Variants in ATRX observed in about 807,000 individuals in gnomAD.
ATRX encodes chromatin remodeler ATRX.
In ATRX, 12 loss-of-function variants were observed where a neutral mutation model predicts 172.6. That is an observed-to-expected ratio of 0.07 (90% CI 0.04 to 0.11). The LOEUF (loss-of-function observed/expected upper bound fraction) is 0.11. Ranked by LOEUF, ATRX falls within the 10% of genes least tolerant of loss-of-function variation. The pLI, the probability that ATRX is intolerant of heterozygous loss-of-function variation, is 1.00. For synonymous variants in ATRX, 674 were observed against 594.7 expected, an observed-to-expected ratio of 1.13 and a Z score of -1.94; for missense variants, 1,368 against 1,767.4, an observed-to-expected ratio of 0.77 and a Z score of 4.05.
intron 34 of ATRX, 26 bp from the exon 35 acceptor site, chrX:77,508,655 A>G (rs2062765351): frequency 1.7e-6 from 2 of 1,208,443 alleles, no homozygotes; most frequent in East Asian, 5.9e-5. Context: ...GGGAGTCATT[A>G]CAAGTGCATG....
At chrX:77,605,013 G>A (rs1171512574) in intron 22 of ATRX, among the ~76,000 whole-genome samples, 1 of 112,236 alleles carries the variant, frequency 8.9e-6, no homozygotes, top group Non-Finnish European at 1.9e-5. Flanking sequence ...CGGGGGAAAC[G>A]AGAAGAGTGA....
rs961649032 is a variant in ATRX at position 77,513,127 on chromosome X, T to C, written c.7201-4498A>G. Among the ~76,000 whole-genome samples the C allele has an allele frequency of 6.5e-5, 7 of 107,677 alleles. No individual in the cohort carries two copies. The South Asian group carries it at 1.7e-3, about 26-fold the overall frequency. 93.5% of individuals were successfully genotyped at this position (107,677 alleles called of 115,157 possible). A position where few individuals can be genotyped will look rare whatever the true frequency, so the allele number is the denominator to read the frequency against. ...GGTCAGGAGACTGAGACCATCCTGGTTAACACGGTGAAACCCCGTCTCTAC... is the reference window on the plus strand; with the variant it reads ...GGTCAGGAGACTGAGACCATCCTGGCTAACACGGTGAAACCCCGTCTCTAC... On this transcript the variant is annotated intron_variant, in intron 34 of 34. Coordinates refer to ENST00000373344, the MANE Select transcript of ATRX (RefSeq NM_000489.6).
chrX:77,695,884 A>AT (rs782707696), intron 5 of ATRX, among the ~76,000 whole-genome samples: 10 of 111,712 alleles, frequency 9.0e-5, no homozygotes, highest in Non-Finnish European at 1.7e-4. Flanking sequence ...AGACTACAAC[A>AT]TATTATTTAA....
chrX:77,543,313 G>T (rs1369425700), intron 30 of ATRX, among the ~76,000 whole-genome samples: 2 of 111,993 alleles, frequency 1.8e-5, no homozygotes, highest in African/African-American at 6.5e-5. Context: ...AACAACAGGT[G>T]CTGGAGAGGA....
At chrX:77,647,311 A>G (rs2068968411) in intron 15 of ATRX, among the ~76,000 whole-genome samples, 1 of 112,188 alleles carries the variant, frequency 8.9e-6, no homozygotes, top group Non-Finnish European at 1.9e-5. Flanking sequence ...TACAGTAGAA[A>G]AGAAGAAAGA....
At chrX:77,723,023 G>A (rs1467380971) in intron 1 of ATRX, among the ~76,000 whole-genome samples, 7 of 111,892 alleles carry the variant, frequency 6.3e-5, no homozygotes, top group African/African-American at 9.8e-5. Flanking sequence ...AAAAGGATGC[G>A]TTTATGTCCT....
chrX:77,520,074 T>C (rs1446946790), intron 34 of ATRX, among the ~76,000 whole-genome samples: 1 of 112,139 alleles, frequency 8.9e-6, no homozygotes, highest in Non-Finnish European at 1.9e-5. Context: ...AAAGTTCATA[T>C]GTTCTCACTT....
intron 1 of ATRX, among the ~76,000 whole-genome samples, chrX:77,776,940 C>G (rs1557202623): frequency 9.0e-6 from 1 of 110,856 alleles, no homozygotes; most frequent in African/African-American, 3.3e-5. Flanking sequence ...TCTTTCAATA[C>G]AGGGCCAGAC....
At position 77,664,675 on chromosome X, in the gene ATRX, T is replaced by G. The variant is rs782708557; in HGVS notation, c.3913A>C (p.Lys1305Gln). ...TCTCCTGGGTTTTCTTCATTTTGTT[T>G]TCCAGTTCTTTTTTTCCCTTCTTCT... Reference protein sequence around the residue: ...EPEEGKKRTGKQNEENPGDEE... With the variant: ...EPEEGKKRTGQQNEENPGDEE... Residue 1305 changes from lysine to glutamine, a missense_variant, in exon 11 of 35, where the codon AAA (lysine) becomes CAA (glutamine). By Grantham distance (53) the Lys-to-Gln change is moderately conservative (BLOSUM62 1). This residue lies in a region of ATRX where 119 missense variants were observed against 131.3 expected (regional missense o/e 0.91). Coordinates refer to ENST00000373344, the MANE Select transcript of ATRX (RefSeq NM_000489.6). The G allele has an allele frequency of 4.2e-5, 51 of 1,209,859 alleles. No individual in the cohort carries two copies. In the Middle Eastern group the frequency reaches 1.8e-3, roughly 43 times the overall value.
intron 15 of ATRX, among the ~76,000 whole-genome samples, chrX:77,643,088 G>A (rs1557111895): frequency 8.9e-6 from 1 of 112,002 alleles, no homozygotes; most frequent in Non-Finnish European, 1.9e-5. Flanking sequence ...GCAGCACCCT[G>A]TTTCCCAGTA....
intron 1 of ATRX, among the ~76,000 whole-genome samples, chrX:77,745,174 A>G (rs1034056988): frequency 2.6e-3 from 229 of 88,334 alleles, no homozygotes; most frequent in African/African-American, 8.7e-3. Context: ...CTCAAAAATG[A>G]AAAAAAAAAA....
intron 2 of ATRX, among the ~76,000 whole-genome samples, chrX:77,701,210 T>C (rs1209086605): frequency 8.9e-6 from 1 of 112,034 alleles, no homozygotes; most frequent in East Asian, 2.8e-4. Context: ...AACAGCTCTT[T>C]AAAAATATCT....
chrX:77,761,711 A>G (rs2075723110), intron 1 of ATRX, among the ~76,000 whole-genome samples: 1 of 111,347 alleles, frequency 9.0e-6, no homozygotes, highest in Admixed American at 9.6e-5. Context: ...ATGATACAGT[A>G]TTATTAACTA....
chrX:77,557,583 A>C lies in ATRX; in HGVS notation c.6567T>G (p.Val2189=). 8.3e-7 allele frequency: 1 copy of C among 1,209,477 alleles called. No homozygotes were observed. The highest frequency in any genetic ancestry group is 1.1e-6 in the Non-Finnish European group (1 of 894,452). ...GACGCTCCACCTGCTGCTGATCAAC[A>C]ACTCGAAAAGACAGTGACTGCTTAG... ...QVTKQSLSFR[V]VDQQQVERHF... is the part of the protein sequence containing the mutation. Residue 2189 remains valine, a synonymous_variant, in exon 30 of 35, where the codon GTT becomes GTG. Coordinates refer to ENST00000373344, the MANE Select transcript of ATRX (RefSeq NM_000489.6).
intron 33 of ATRX, 70 bp downstream of exon 33, chrX:77,521,332 TA>T: frequency 3.6e-6 from 3 of 842,613 alleles, no homozygotes; most frequent in Non-Finnish European, 3.5e-6. Context: ...ATTAAAAATT[TA>T]AAAAAATGGC....
chrX:77,616,276 T>C, intron 22 of ATRX: 8 of 874,791 alleles, frequency 9.1e-6, no homozygotes, highest in Non-Finnish European at 1.1e-5. Flanking sequence ...TTATTATTAA[T>C]GTGGGTAAAT....
chrX:77,510,225 A>G (rs1458648175), intron 34 of ATRX, among the ~76,000 whole-genome samples: 1 of 111,453 alleles, frequency 9.0e-6, no homozygotes, highest in African/African-American at 3.3e-5. Context: ...AAATGACTCA[A>G]TCCTGACAGG....
At chrX:77,624,068 G>T (rs2148290464) in intron 19 of ATRX, among the ~76,000 whole-genome samples, 1 of 111,705 alleles carries the variant, frequency 9.0e-6, no homozygotes, top group African/African-American at 3.2e-5. Context: ...TCAGACGAAA[G>T]AAATAAAGGG....
intron 2 of ATRX, among the ~76,000 whole-genome samples, chrX:77,716,322 AAATATATATATAT>A (rs1290372485): frequency 2.4e-5 from 1 of 41,843 alleles, no homozygotes; most frequent in African/African-American, 5.8e-5. Context: ...AAAAAAAAAA[AAATATATATATAT>A]ATATATATAT....
Sources: allele counts gnomAD v4.1 joint callset (sites outside exome capture counted in the v4.1 genomes callset), GRCh38; gene constraint gnomAD v4.1.1; regional missense constraint gnomAD v4.1.1; transcripts MANE v1.5; gene names NCBI Gene and HGNC (gene_info 2026-07-23, HGNC 2026-07-21).